The following SHISA9 variants were observed in gnomAD, a reference collection of about 807,000 sequenced individuals.
SHISA9 encodes the protein protein shisa-9.
A neutral mutation model predicts 38.0 loss-of-function variants in SHISA9; 13 were observed. The ratio of observed to expected loss-of-function variants is 0.34; its 90% CI spans 0.22 to 0.54. SHISA9 has a LOEUF of 0.54. Among genes scored for constraint, SHISA9 ranks in the 20% least tolerant of loss-of-function variants. SHISA9 has a pLI of 0.91. For synonymous variants in SHISA9, 275 were observed against 242.0 expected, an observed-to-expected ratio of 1.14 and a Z score of -1.27; for missense variants, 538 against 575.8, an observed-to-expected ratio of 0.93 and a Z score of 0.67.
the SHISA9 span, among the ~76,000 whole-genome samples, chr16:13,341,919 A>C: frequency 1.3e-5 from 2 of 152,172 alleles, no homozygotes; most frequent in South Asian, 4.1e-4. Context: ...ACTGAACCAG[A>C]GCAACATCCA....
At chr16:13,381,274 G>A in the SHISA9 span, among the ~76,000 whole-genome samples, 7 of 152,100 alleles carry the variant, frequency 4.6e-5, no homozygotes, top group Non-Finnish European at 7.3e-5. Context: ...TAGAAATAAA[G>A]GGTTCCTAGC....
the SHISA9 span, among the ~76,000 whole-genome samples, chr16:13,528,835 G>T: frequency 6.6e-6 from 1 of 152,178 alleles, no homozygotes; most frequent in Non-Finnish European, 1.5e-5. Context: ...AGTGGTCACA[G>T]CTCCTTTCCA....
the SHISA9 span, among the ~76,000 whole-genome samples, chr16:13,507,082 T>A: frequency 2.0e-5 from 3 of 151,994 alleles, no homozygotes; most frequent in African/African-American, 7.2e-5. Flanking sequence ...TATATATATA[T>A]ATAAAATCTG....
At chr16:13,063,972 C>T (rs276622) in intron 2 of SHISA9, among the ~76,000 whole-genome samples, 3,828 of 152,300 alleles carry the variant, frequency 0.025, 175 homozygotes, top group African/African-American at 0.086. Flanking sequence ...TTTAAGGCTT[C>T]CAGGCCTAAG....
intron 2 of SHISA9, among the ~76,000 whole-genome samples, chr16:13,003,742 C>G (rs1005157222): frequency 6.6e-6 from 1 of 152,152 alleles, no homozygotes; most frequent in Non-Finnish European, 1.5e-5. Flanking sequence ...CCTGTAATCC[C>G]AGCTACTCAG....
At chr16:13,559,110 AG>A in the SHISA9 span, among the ~76,000 whole-genome samples, 1 of 152,178 alleles carries the variant, frequency 6.6e-6, no homozygotes, top group East Asian at 1.9e-4. Context: ...TCTAGCTCCT[AG>A]AATATATACA....
chr16:13,092,894 C>A (rs1228989068), intron 2 of SHISA9, among the ~76,000 whole-genome samples: 1 of 152,224 alleles, frequency 6.6e-6, no homozygotes, highest in Non-Finnish European at 1.5e-5. Context: ...AATCACCCAT[C>A]TTCTGCGTCT....
the SHISA9 span, among the ~76,000 whole-genome samples, chr16:13,274,590 A>G: frequency 1.3e-5 from 2 of 152,100 alleles, no homozygotes; most frequent in African/African-American, 4.8e-5. Context: ...CCCATGGTAG[A>G]GATAATGTGA....
At chr16:13,165,533 G>A (rs1239415490) in intron 2 of SHISA9, among the ~76,000 whole-genome samples, 1 of 152,232 alleles carries the variant, frequency 6.6e-6, no homozygotes, top group African/African-American at 2.4e-5. Context: ...TTTGGCAACA[G>A]CCATGGAAGT....
the SHISA9 span, among the ~76,000 whole-genome samples, chr16:13,533,391 T>G: frequency 6.6e-6 from 1 of 152,202 alleles, no homozygotes; most frequent in African/African-American, 2.4e-5. Context: ...GGCCTCTCCT[T>G]ACCCTTATGA....
chr16:13,007,661 G>T (rs1267263165), intron 2 of SHISA9, among the ~76,000 whole-genome samples: 1 of 152,122 alleles, frequency 6.6e-6, no homozygotes, highest in Non-Finnish European at 1.5e-5. Context: ...TAACTCCCCA[G>T]CCTCAGCTCT....
chr16:13,292,183 C>T, the SHISA9 span, among the ~76,000 whole-genome samples: 2 of 151,874 alleles, frequency 1.3e-5, no homozygotes, highest in African/African-American at 4.8e-5. Context: ...GACCCAAGAC[C>T]CTTGTTTCTA....
chr16:13,019,427 C>A (rs1208925890), intron 2 of SHISA9, among the ~76,000 whole-genome samples: 1 of 151,948 alleles, frequency 6.6e-6, no homozygotes, highest in Non-Finnish European at 1.5e-5. Context: ...CTCATGTGGC[C>A]TTTCCTCAGT....
rs1410767888 is a variant in SHISA9, at chr16:12,902,038, G to A, written c.-27G>A. The stretch of plus-strand genomic sequence containing the variant: ...CCGCAGAGGCTCCAGCGGCGGCCGA[G>A]CGGCCGAGCCCGGGCTGGGAGACAC... On this transcript the variant is annotated 5_prime_UTR_variant, in exon 1 of 5. Transcript: ENST00000558583. The A allele has an allele frequency of 2.1e-6, 3 of 1,434,194 alleles. No homozygotes were observed. Among genetic ancestry groups the A allele is most frequent in the East Asian group, 3.1e-5 (1 of 32,664 alleles). The allele number at this position is 1,434,194 out of a possible 1,614,324, so 88.8% of individuals were successfully genotyped here.
chr16:13,143,021 T>TTTATTTTATTTTATTTTA, intron 2 of SHISA9, among the ~76,000 whole-genome samples: 1 of 151,906 alleles, frequency 6.6e-6, no homozygotes, highest in African/African-American at 2.4e-5. Flanking sequence ...TTTATTTTAT[T>TTTATTTTATTTTATTTTA]TTAAGACAGA....
At chr16:13,342,704 C>T in the SHISA9 span, among the ~76,000 whole-genome samples, 17 of 152,194 alleles carry the variant, frequency 1.1e-4, no homozygotes, top group African/African-American at 4.1e-4. Flanking sequence ...TCCCCACATT[C>T]GGTAGTCCCT....
chr16:13,044,810 TG>T (rs1327990051), intron 2 of SHISA9, among the ~76,000 whole-genome samples: 3 of 152,232 alleles, frequency 2.0e-5, no homozygotes, highest in African/African-American at 4.8e-5. Flanking sequence ...GGTAGCTAAG[TG>T]ATCACTTAAA....
chr16:13,140,186 CT>C (rs1175933441), intron 2 of SHISA9, among the ~76,000 whole-genome samples: 1 of 123,088 alleles, frequency 8.1e-6, no homozygotes, highest in Non-Finnish European at 1.7e-5. Flanking sequence ...CTTCCCTTCC[CT>C]TTCTTTTTAG....
the SHISA9 span, among the ~76,000 whole-genome samples, chr16:13,418,047 C>T: frequency 6.6e-6 from 1 of 152,088 alleles, no homozygotes; most frequent in South Asian, 2.1e-4. Flanking sequence ...TTATTACTTC[C>T]TTTGCTCCTT....
Sources: gnomAD v4.1 joint callset for allele counts (sites outside exome capture counted in the v4.1 genomes callset) on GRCh38, gnomAD v4.1.1 for gene constraint, MANE v1.5 for transcripts, NCBI Gene and HGNC (gene_info 2026-07-23, HGNC 2026-07-21) for gene names.